The following FBXO16 variants were observed in gnomAD, a reference collection of about 807,000 sequenced individuals.
The protein encoded by FBXO16 is F-box protein 16.
FBXO16 carries 31 observed loss-of-function variants against 41.0 expected under a neutral mutation model. The observed-to-expected ratio is 0.76, with a 90% CI of 0.57 to 1.02. The LOEUF is 1.02. Among genes scored for constraint, FBXO16 ranks in the 50% least tolerant of loss-of-function variants. FBXO16 has a pLI of 0.00. For synonymous variants in FBXO16, 133 were observed against 117.8 expected (o/e 1.13, Z -0.84); for missense variants, 361 against 346.2 (o/e 1.04, Z -0.34).
intron 7 of FBXO16, among the ~76,000 whole-genome samples, chr8:28,432,126 G>A (rs1563355825): frequency 8.7e-6 from 1 of 115,544 alleles, no homozygotes; most frequent in East Asian, 2.7e-4. Flanking sequence ...GGCTATGTAT[G>A]GAGTGTGTGT....
chr8:28,452,179 A>G (rs181297266), intron 6 of FBXO16, 65 bp downstream of exon 6: 439 of 1,450,644 alleles, frequency 3.0e-4, no homozygotes, highest in Non-Finnish European at 4.0e-4. Context: ...ATCTCTTCGT[A>G]TACTGAAATG....
chr8:28,441,505 G>C lies in FBXO16; in HGVS notation c.843+5666C>G, dbSNP rs549888126. Among the ~76,000 whole-genome samples, 16 of 152,300 alleles carry C rather than the reference G, an allele frequency of 1.1e-4. 1 individual carries two copies. The highest frequency in any genetic ancestry group is 3.6e-4 in the African/African-American group (15 of 41,564). On this transcript the variant is annotated intron_variant, in intron 7 of 8. Transcript: ENST00000380254. The stretch of plus-strand genomic sequence containing the variant: ...AATCCCAGCACTTTGGGAGGCCAAG[G>C]TGGGTGGATCACCTGAGGTCAGGAG...
intron 7 of FBXO16, among the ~76,000 whole-genome samples, chr8:28,440,066 C>T (rs889489939): frequency 1.3e-5 from 2 of 150,364 alleles, no homozygotes; most frequent in African/African-American, 4.9e-5. Flanking sequence ...GCTTAGAAAC[C>T]CATGGGGCCC....
At chr8:28,431,790 T>C (rs910104938) in intron 7 of FBXO16, among the ~76,000 whole-genome samples, 2 of 152,196 alleles carry the variant, frequency 1.3e-5, no homozygotes, top group Non-Finnish European at 2.9e-5. Flanking sequence ...TATTTTTGCT[T>C]TTCTCACTCT....
chr8:28,467,052 CCACCT>C (rs1184746326), intron 3 of FBXO16, among the ~76,000 whole-genome samples: 1 of 152,092 alleles, frequency 6.6e-6, no homozygotes. Context: ...AGGGATCCTC[CCACCT>C]CAGCCTCCTG....
In FBXO16 at chr8:28,460,245, ATTT is replaced by A. The variant is rs34429050; in HGVS notation, c.343-3318_343-3316del. Among the ~76,000 whole-genome samples, 210 of 85,388 alleles carry A rather than the reference ATTT, an allele frequency of 2.5e-3. 1 individual carries two copies. The highest frequency in any genetic ancestry group is 0.01 in the African/African-American group (158 of 15,768). The allele number at this position is 85,388 out of a possible 152,430, so 56.0% of individuals were successfully genotyped here. On this transcript the variant is annotated intron_variant, in intron 4 of 8. Coordinates refer to ENST00000380254, the MANE Select transcript of FBXO16 (RefSeq NM_172366.4). Reference sequence around the variant, plus strand: ...TGTGTGTATATATATATATATATATATTTTTTTTTTTTTTTTTTTTTGAGACAA... The same window carrying A: ...TGTGTGTATATATATATATATATATATTTTTTTTTTTTTTTTTTGAGACAA...
chr8:28,436,956 G>A (rs1319676708), intron 7 of FBXO16, among the ~76,000 whole-genome samples: 1 of 151,986 alleles, frequency 6.6e-6, no homozygotes, highest in Non-Finnish European at 1.5e-5. Flanking sequence ...GCCTCATTAT[G>A]TTACCCAGGC....
chr8:28,430,355 A>G (rs889827116), intron 7 of FBXO16, among the ~76,000 whole-genome samples: 3 of 152,218 alleles, frequency 2.0e-5, no homozygotes, highest in Non-Finnish European at 4.4e-5. Flanking sequence ...CTGGGATTAC[A>G]GGCCCACTGT....
intron 7 of FBXO16, among the ~76,000 whole-genome samples, chr8:28,430,113 C>T (rs1802585190): frequency 1.3e-5 from 2 of 152,208 alleles, no homozygotes; most frequent in Admixed American, 6.5e-5. Flanking sequence ...CACTCGGTCT[C>T]CAAGGCTGGA....
At chr8:28,476,133 A>G (rs929058742) in intron 2 of FBXO16, among the ~76,000 whole-genome samples, 3 of 152,218 alleles carry the variant, frequency 2.0e-5, no homozygotes, top group Middle Eastern at 3.2e-3. Context: ...GTGTCCAATG[A>G]TGGTGTGGCC....
At chr8:28,454,659 C>A (rs1016652768) in intron 5 of FBXO16, among the ~76,000 whole-genome samples, 1 of 138,078 alleles carries the variant, frequency 7.2e-6, no homozygotes, top group Non-Finnish European at 1.5e-5. Context: ...GCCCGGGAGG[C>A]GGAGCTTGCA....
intron 7 of FBXO16, among the ~76,000 whole-genome samples, chr8:28,440,902 G>C (rs1802762101): frequency 6.6e-6 from 1 of 151,998 alleles, no homozygotes; most frequent in Non-Finnish European, 1.5e-5. Context: ...ACTTGATAAA[G>C]GAAAAAACAA....
Position 28,471,648 on chromosome 8 carries a change from T to C in FBXO16, c.135+2124A>G, listed in dbSNP as rs567366597. 2.0e-5 allele frequency among the ~76,000 whole-genome samples: 3 copies of C among 152,102 alleles called. No homozygotes were observed. In the East Asian group the frequency reaches 5.8e-4, roughly 29 times the overall value. On this transcript the variant is annotated intron_variant, in intron 3 of 8. Coordinates refer to ENST00000380254, the MANE Select transcript of FBXO16 (RefSeq NM_172366.4). ...ACTTAGTGATTTTAAGGAATAAGTTTGTTTGGGGAAAGGAGAAAAACAAGA... is the reference window on the plus strand; with the variant it reads ...ACTTAGTGATTTTAAGGAATAAGTTCGTTTGGGGAAAGGAGAAAAACAAGA...
intron 2 of FBXO16, among the ~76,000 whole-genome samples, chr8:28,480,266 A>G (rs1803490197): frequency 6.6e-6 from 1 of 152,036 alleles, no homozygotes; most frequent in Non-Finnish European, 1.5e-5. Context: ...CTCTTCTAAA[A>G]TTGCTCATCA....
chr8:28,477,647 T>C (rs912397946), intron 2 of FBXO16, among the ~76,000 whole-genome samples: 5 of 152,210 alleles, frequency 3.3e-5, no homozygotes, highest in Admixed American at 3.3e-4. Flanking sequence ...CTGCATTGTA[T>C]GAAGTAAGAA....
intron 2 of FBXO16, among the ~76,000 whole-genome samples, chr8:28,478,821 C>CAAAAAAA (rs35959759): frequency 4.8e-4 from 57 of 117,790 alleles, no homozygotes; most frequent in African/African-American, 1.9e-3. Flanking sequence ...ATTCTGTCTC[C>CAAAAAAA]AAAAAAAAAA....
At position 28,430,901 on chromosome 8, in the gene FBXO16, G is replaced by A. The variant is rs187689959; in HGVS notation, c.844-1498C>T. ...GCAGGAGAATCTCTTGAACCTGGGA[G>A]GCAGAGGTGACAGTGAGCAAGACCG... On this transcript the variant is annotated intron_variant, in intron 7 of 8. Transcript: ENST00000380254. Among the ~76,000 whole-genome samples, 559 of 152,240 alleles carry A rather than the reference G, an allele frequency of 3.7e-3. 5 individuals carry two copies. Among genetic ancestry groups the A allele is most frequent in the African/African-American group, 0.012 (514 of 41,538 alleles).
chr8:28,485,297 C>T (rs961065314), intron 1 of FBXO16, among the ~76,000 whole-genome samples: 12 of 152,084 alleles, frequency 7.9e-5, no homozygotes, highest in African/African-American at 2.9e-4. Context: ...CTTAGCCTCC[C>T]GAGTAGCTAG....
chr8:28,430,272 T>A (rs917166462), intron 7 of FBXO16, among the ~76,000 whole-genome samples: 2 of 151,992 alleles, frequency 1.3e-5, no homozygotes, highest in Admixed American at 1.3e-4. Flanking sequence ...GAGATGAGGG[T>A]CTTCCTATGT....
Sources: gnomAD v4.1 joint callset for allele counts (sites outside exome capture counted in the v4.1 genomes callset) on GRCh38, gnomAD v4.1.1 for gene constraint, MANE v1.5 for transcripts, NCBI Gene and HGNC (gene_info 2026-07-23, HGNC 2026-07-21) for gene names.